The following RBPJ variants were observed in gnomAD, a reference collection of about 807,000 sequenced individuals.
RBPJ encodes recombination signal binding protein for immunoglobulin kappa J region, also known as recombining binding protein suppressor of hairless.
Under a neutral mutation model 67.8 loss-of-function variants are expected in RBPJ, and 9 were observed. The observed-to-expected ratio is 0.13, with a 90% CI of 0.08 to 0.23. The LOEUF is 0.23. RBPJ is among the 10% of genes least tolerant of loss of function. RBPJ has a pLI of 1.00. For missense variants in RBPJ, 305 were observed against 595.6 expected, an observed-to-expected ratio of 0.51 and a Z score of 5.08; for synonymous variants, 198 against 203.3, an observed-to-expected ratio of 0.97 and a Z score of 0.22.
At chr4:26,338,915 G>T (rs527611417) in intron 1 of RBPJ, among the ~76,000 whole-genome samples, 2 of 151,694 alleles carry the variant, frequency 1.3e-5, no homozygotes, top group African/African-American at 4.8e-5. Context: ...ACTCTGTCTC[G>T]ATCTCAGCTC....
chr4:26,292,796 A>G (rs1298851804), intron 1 of RBPJ, among the ~76,000 whole-genome samples: 4 of 149,990 alleles, frequency 2.7e-5, no homozygotes, highest in Admixed American at 2.0e-4. Context: ...TGAGGTATAT[A>G]CATATATATA....
Position 26,166,015 on chromosome 4 carries a change from A to G in RBPJ, c.-167+2401A>G, listed in dbSNP as rs1389741083. On this transcript the variant is annotated intron_variant, in intron 1 of 4. Transcript: ENST00000512351. ...AGTATACTGAGAATGATGATTTCCA[A>G]TTTCATCCATGTCCCTACAAAGGAC... Among the ~76,000 whole-genome samples, 5 of 150,440 alleles carry G rather than the reference A, an allele frequency of 3.3e-5. No individual in the cohort carries two copies. In the East Asian group the frequency reaches 9.8e-4, roughly 29 times the overall value.
At position 26,321,042 on chromosome 4, in the gene RBPJ, T is replaced by C. The variant is rs1560262954; in HGVS notation, c.14T>C (p.Val5Ala). The C allele has an allele frequency of 1.9e-6, 3 of 1,611,170 alleles. No individual in the cohort carries two copies. Among genetic ancestry groups the C allele is most frequent in the Non-Finnish European group, 2.5e-6 (3 of 1,177,688 alleles). MAPVVTGKFGERPPP... is the reference protein window; with the variant it reads MAPVATGKFGERPPP... ...AGTTTGTGGAAGATGGCGCCTGTTG[T>C]GACAGGGTAAGTCTGAGGGAATCGG... The change falls in exon 1 of 11, where the codon GTG (valine) becomes GCG (alanine). Residue 5 changes from valine to alanine, a missense_variant. Physicochemically the swap from Val to Ala is moderately conservative, Grantham distance 64. Around this residue, in one of 7 missense-constraint regions of RBPJ, gnomAD observed 42 missense variants for 43.6 expected, o/e 0.96. Coordinates refer to ENST00000355476, the MANE Select transcript of RBPJ (RefSeq NM_015874.6).
At chr4:26,248,096 G>C (rs1240225838) in intron 1 of RBPJ, among the ~76,000 whole-genome samples, 1 of 152,168 alleles carries the variant, frequency 6.6e-6, no homozygotes, top group Non-Finnish European at 1.5e-5. Flanking sequence ...TTTGAGACCA[G>C]CCTGGCCAAC....
the RBPJ span, among the ~76,000 whole-genome samples, chr4:26,153,139 G>A: frequency 3.9e-5 from 6 of 152,186 alleles, no homozygotes; most frequent in African/African-American, 7.2e-5. Flanking sequence ...TGTGTGCATC[G>A]AACCATCAGA....
chr4:26,111,369 G>T, the RBPJ span, among the ~76,000 whole-genome samples: 1 of 152,272 alleles, frequency 6.6e-6, no homozygotes, highest in South Asian at 2.1e-4. Flanking sequence ...TATATAGTGG[G>T]CACAGAAATG....
intron 1 of RBPJ, among the ~76,000 whole-genome samples, chr4:26,210,686 C>CTTTCCTTCTTTCCTTCTTT (rs56289492): frequency 1.5e-5 from 1 of 65,394 alleles, no homozygotes; most frequent in Non-Finnish European, 3.3e-5. Context: ...TTCTTTCTTT[C>CTTTCCTTCTTTCCTTCTTT]CTTTCTTTCT....
At chr4:26,244,349 GTATA>G (rs80301363) in intron 1 of RBPJ, among the ~76,000 whole-genome samples, 2,451 of 6,278 alleles carry the variant, frequency 0.39, 313 homozygotes, top group Middle Eastern at 0.5. Context: ...ACATATGTGT[GTATA>G]TATATGTATG....
At chr4:26,348,667 A>G (rs1428890434) in intron 1 of RBPJ, among the ~76,000 whole-genome samples, 2 of 152,156 alleles carry the variant, frequency 1.3e-5, no homozygotes, top group Non-Finnish European at 2.9e-5. Flanking sequence ...TTTCACCTCA[A>G]CAACAAAAAG....
the RBPJ span, among the ~76,000 whole-genome samples, chr4:26,115,141 T>G: frequency 1.3e-5 from 2 of 152,218 alleles, no homozygotes; most frequent in African/African-American, 4.8e-5. Flanking sequence ...AGGTTTTCAT[T>G]TTCTTCACAG....
rs116804634 is a variant in RBPJ, at chr4:26,415,823, C to T, written c.321+183C>T. 0.015 allele frequency among the ~76,000 whole-genome samples: 2,331 copies of T among 152,222 alleles called. 33 individuals are homozygous for T. The highest frequency in any genetic ancestry group is 0.048 in the Middle Eastern group (14 of 294). ...TTGGTCTAGTCACTCATGAAGCTTACGCTGCTGACATTGGAAGGTGGCATG... is the reference window on the plus strand; with the variant it reads ...TTGGTCTAGTCACTCATGAAGCTTATGCTGCTGACATTGGAAGGTGGCATG... On this transcript the variant is annotated intron_variant, in intron 4 of 10. Coordinates refer to ENST00000355476, the MANE Select transcript of RBPJ (RefSeq NM_015874.6).
At chr4:26,385,882 A>T (rs965490949) in intron 1 of RBPJ, among the ~76,000 whole-genome samples, 2 of 151,654 alleles carry the variant, frequency 1.3e-5, no homozygotes, top group African/African-American at 4.9e-5. Context: ...GACTCACTGC[A>T]CCCTTGAACC....
rs182687128 is a variant in RBPJ, at chr4:26,285,359, A to G, written c.-166-77087A>G. 2.8e-3 allele frequency among the ~76,000 whole-genome samples: 425 copies of G among 151,112 alleles called. 1 individual carries two copies. Among genetic ancestry groups the G allele is most frequent in the Non-Finnish European group, 3.3e-3 (222 of 67,886 alleles). ...CCATTCAGTTATCTATTAGGGCATA[A>G]CAAGTTACCCCAAAACACAGCCGCT... On this transcript the variant is annotated intron_variant, in intron 1 of 4. Coordinates refer to the RBPJ transcript ENST00000512351.
intron 1 of RBPJ, among the ~76,000 whole-genome samples, chr4:26,333,084 G>A (rs1286753726): frequency 8.5e-5 from 13 of 152,116 alleles, no homozygotes; most frequent in Admixed American, 7.9e-4. Context: ...ACTTATATGT[G>A]GATTTTTTTC....
chr4:26,320,799 C>T, upstream of RBPJ: 2 of 1,556,434 alleles, frequency 1.3e-6, no homozygotes, highest in Non-Finnish European at 1.7e-6. Context: ...GCCGCCTGCG[C>T]ATGCTCCATC....
chr4:26,111,751 A>G, the RBPJ span: 3 of 152,320 alleles, frequency 2.0e-5, no homozygotes, highest in Non-Finnish European at 4.4e-5. Context: ...CTAAATTGGT[A>G]GTAAATTAAT....
chr4:26,362,581 G>C, intron 1 of RBPJ: 1 of 1,613,678 alleles, frequency 6.2e-7, no homozygotes, highest in Non-Finnish European at 8.5e-7. Flanking sequence ...GTTCCAAGCT[G>C]TGACTTACCT....
chr4:26,357,871 G>C (rs1727571795), intron 1 of RBPJ, among the ~76,000 whole-genome samples: 1 of 152,064 alleles, frequency 6.6e-6, no homozygotes, highest in Non-Finnish European at 1.5e-5. Context: ...ATGTCTTCAA[G>C]GTTCATCCAT....
the RBPJ span, among the ~76,000 whole-genome samples, chr4:26,152,912 A>C: frequency 6.6e-6 from 1 of 152,252 alleles, no homozygotes; most frequent in African/African-American, 2.4e-5. Context: ...AGTGGGCAAA[A>C]GAGGTAGAAG....
Sources: allele counts gnomAD v4.1 joint callset (sites outside exome capture counted in the v4.1 genomes callset), GRCh38; gene constraint gnomAD v4.1.1; regional missense constraint gnomAD v4.1.1; transcripts MANE v1.5; gene names NCBI Gene and HGNC (gene_info 2026-07-23, HGNC 2026-07-21).